PDGFD: variants seen among roughly 807,000 people sequenced by gnomAD.
PDGFD encodes the protein platelet derived growth factor D.
Under a neutral mutation model 44.7 loss-of-function variants are expected in PDGFD, and 30 were observed. The ratio of observed to expected loss-of-function variants is 0.67; its 90% CI spans 0.50 to 0.91. The LOEUF is 0.91. PDGFD is among the 40% of genes least tolerant of loss of function. The pLI is 0.00. For synonymous variants in PDGFD, 173 were observed against 168.4 expected (o/e 1.03, Z -0.21); for missense variants, 445 against 457.8 (o/e 0.97, Z 0.25).
At chr11:104,131,231 C>A (rs1022721270) in intron 1 of PDGFD, among the ~76,000 whole-genome samples, 28 of 152,130 alleles carry the variant, frequency 1.8e-4, no homozygotes, top group East Asian at 1.9e-4. Context: ...AAAGTGCAAT[C>A]TTTTCAAAAT....
intron 5 of PDGFD, among the ~76,000 whole-genome samples, chr11:103,937,924 G>A (rs1477516662): frequency 6.6e-6 from 1 of 151,684 alleles, no homozygotes; most frequent in Non-Finnish European, 1.5e-5. Flanking sequence ...TGGTGTATAT[G>A]TGCCACATTT....
chr11:103,985,390 G>A (rs1399326132), intron 3 of PDGFD, among the ~76,000 whole-genome samples: 2 of 150,828 alleles, frequency 1.3e-5, no homozygotes, highest in East Asian at 1.9e-4. Flanking sequence ...TGAAGAGATG[G>A]GGGTCTCACT....
intron 2 of PDGFD, among the ~76,000 whole-genome samples, chr11:103,999,647 G>C (rs1410790318): frequency 6.6e-6 from 1 of 152,152 alleles, no homozygotes; most frequent in Non-Finnish European, 1.5e-5. Context: ...GGAAGGCCTG[G>C]GTCAGCGGGA....
At chr11:104,042,510 A>T (rs1318676827) in intron 1 of PDGFD, among the ~76,000 whole-genome samples, 1 of 152,128 alleles carries the variant, frequency 6.6e-6, no homozygotes, top group African/African-American at 2.4e-5. Context: ...GCTTTTTCTT[A>T]TTGAGAAAGA....
intron 3 of PDGFD, among the ~76,000 whole-genome samples, chr11:103,970,663 G>C (rs1295776769): frequency 6.6e-6 from 1 of 152,094 alleles, no homozygotes; most frequent in Non-Finnish European, 1.5e-5. Flanking sequence ...AAGGAATTAA[G>C]TACTTGATGT....
chr11:104,127,600 T>A (rs1470215004), intron 1 of PDGFD, among the ~76,000 whole-genome samples: 3 of 152,154 alleles, frequency 2.0e-5, no homozygotes, highest in Non-Finnish European at 4.4e-5. Flanking sequence ...ATTCAATGCA[T>A]ACAAGCCAAG....
intron 1 of PDGFD, among the ~76,000 whole-genome samples, chr11:104,061,515 T>C (rs974989536): frequency 2.0e-5 from 3 of 152,222 alleles, no homozygotes; most frequent in African/African-American, 4.8e-5. Flanking sequence ...CATTAACAGA[T>C]GAATGGATAA....
intron 1 of PDGFD, among the ~76,000 whole-genome samples, chr11:104,146,016 TC>T (rs1862157025): frequency 6.6e-6 from 1 of 152,140 alleles, no homozygotes. Flanking sequence ...CCTTCCAGCC[TC>T]CAGGACTATG....
At chr11:104,036,376 C>A (rs1271480511) in intron 1 of PDGFD, among the ~76,000 whole-genome samples, 1 of 151,886 alleles carries the variant, frequency 6.6e-6, no homozygotes, top group Non-Finnish European at 1.5e-5. Context: ...CCTACGAGGT[C>A]GAGGCTACAG....
intron 1 of PDGFD, among the ~76,000 whole-genome samples, chr11:104,111,904 G>A (rs1156723761): frequency 6.6e-6 from 1 of 152,160 alleles, no homozygotes; most frequent in Admixed American, 6.6e-5. Context: ...AAAGTAGCTT[G>A]TAACCTGTAT....
intron 1 of PDGFD, among the ~76,000 whole-genome samples, chr11:104,098,595 AC>A (rs982892349): frequency 2.0e-5 from 3 of 151,376 alleles, no homozygotes; most frequent in African/African-American, 7.3e-5. Flanking sequence ...TGCAGCCTCA[AC>A]CTCCCAGCCT....
intron 1 of PDGFD, among the ~76,000 whole-genome samples, chr11:104,022,544 A>G (rs554195967): frequency 1.3e-5 from 2 of 152,268 alleles, no homozygotes; most frequent in East Asian, 3.9e-4. Context: ...AATTTCCAAA[A>G]TACCTGACTG....
intron 6 of PDGFD, among the ~76,000 whole-genome samples, chr11:103,921,725 G>A (rs111273226): frequency 0.038 from 5,786 of 150,680 alleles, 162 homozygotes; most frequent in Non-Finnish European, 0.056. Flanking sequence ...TTCTACCTTA[G>A]AACAAGAAGA....
At chr11:104,099,650 A>C (rs1464098473) in intron 1 of PDGFD, among the ~76,000 whole-genome samples, 1 of 148,072 alleles carries the variant, frequency 6.8e-6, no homozygotes, top group Non-Finnish European at 1.5e-5. Flanking sequence ...AATAATAATA[A>C]TAATAATAAT....
intron 1 of PDGFD, chr11:104,036,815 C>T: frequency 6.2e-7 from 1 of 1,608,354 alleles, no homozygotes; most frequent in South Asian, 1.1e-5. Flanking sequence ...CCCGCCCGGG[C>T]CCCCGCCATG....
intron 1 of PDGFD, among the ~76,000 whole-genome samples, chr11:104,056,194 A>C (rs1591142025): frequency 1.3e-5 from 2 of 152,218 alleles, no homozygotes; most frequent in South Asian, 4.1e-4. Context: ...AATACATCAC[A>C]TGTCCAAGTT....
intron 1 of PDGFD, among the ~76,000 whole-genome samples, chr11:104,063,688 C>A (rs114751356): frequency 0.011 from 1,743 of 152,238 alleles, 21 homozygotes; most frequent in African/African-American, 0.038. Context: ...AAGCAAGGCA[C>A]ATGTTACATG....
intron 1 of PDGFD, chr11:104,037,332 C>T (rs766791846): frequency 2.2e-5 from 36 of 1,613,910 alleles, no homozygotes; most frequent in African/African-American, 4.0e-5. Context: ...TGGCGGAAGC[C>T]CTGCTCAGCG....
chr11:104,142,380 C>T (rs903131469), intron 1 of PDGFD, among the ~76,000 whole-genome samples: 1 of 151,880 alleles, frequency 6.6e-6, no homozygotes, highest in Non-Finnish European at 1.5e-5. Context: ...AACATATACT[C>T]ACACACAAAT....
Sources: gnomAD v4.1 joint callset for allele counts (sites outside exome capture counted in the v4.1 genomes callset) on GRCh38, gnomAD v4.1.1 for gene constraint, MANE v1.5 for transcripts, NCBI Gene and HGNC (gene_info 2026-07-23, HGNC 2026-07-21) for gene names.